RELN: variants seen among roughly 807,000 people sequenced by gnomAD.
RELN encodes reelin.
RELN carries 108 observed loss-of-function variants against 427.6 expected under a neutral mutation model. The observed-to-expected ratio is 0.25, with a 90% CI of 0.22 to 0.30. The LOEUF (loss-of-function observed/expected upper bound fraction) is 0.30. RELN is among the 10% of genes least tolerant of loss of function. RELN has a pLI of 1.00. For missense variants in RELN, 3,715 were observed against 4,302.8 expected, an observed-to-expected ratio of 0.86 and a Z score of 3.82; for synonymous variants, 1,524 against 1,513.4, an observed-to-expected ratio of 1.01 and a Z score of -0.16.
At chr7:103,934,400 A>T (rs1342533655) in intron 1 of RELN, among the ~76,000 whole-genome samples, 2 of 152,112 alleles carry the variant, frequency 1.3e-5, no homozygotes, top group Non-Finnish European at 1.5e-5. Context: ...CATTATTCTT[A>T]CAGCTTAAGC....
intron 4 of RELN, among the ~76,000 whole-genome samples, chr7:103,755,944 A>G (rs1003944982): frequency 6.6e-6 from 1 of 152,198 alleles, no homozygotes; most frequent in Admixed American, 6.5e-5. Flanking sequence ...CACAGTATGG[A>G]ACTTTTCAAA....
chr7:103,771,268 A>C (rs1000841524), intron 4 of RELN, among the ~76,000 whole-genome samples: 1 of 151,408 alleles, frequency 6.6e-6, no homozygotes, highest in Non-Finnish European at 1.5e-5. Flanking sequence ...TTTTCTATCC[A>C]CCATCCTCTC....
At chr7:103,520,800 C>T (rs986640532) in intron 48 of RELN, among the ~76,000 whole-genome samples, 10 of 152,092 alleles carry the variant, frequency 6.6e-5, no homozygotes, top group African/African-American at 2.4e-4. Flanking sequence ...ACACTGCAGT[C>T]TTTCTCAGTG....
At chr7:103,579,592 C>A (rs1831081537) in intron 28 of RELN, among the ~76,000 whole-genome samples, 1 of 146,142 alleles carries the variant, frequency 6.8e-6, no homozygotes, top group South Asian at 2.2e-4. Context: ...AAGTAAGACT[C>A]CATCTCCAAA....
chr7:103,906,625 T>C (rs1795212223), intron 2 of RELN, among the ~76,000 whole-genome samples: 2 of 152,190 alleles, frequency 1.3e-5, no homozygotes, highest in Admixed American at 1.3e-4. Flanking sequence ...TACTTGTTCC[T>C]TGGATTCAGC....
chr7:103,531,044 G>A (rs990514237), intron 46 of RELN, among the ~76,000 whole-genome samples: 3 of 152,190 alleles, frequency 2.0e-5, no homozygotes, highest in Non-Finnish European at 4.4e-5. Flanking sequence ...TTAGTCTGAG[G>A]TTGAAGTCTG....
rs138736743 is a variant in RELN, at chr7:103,577,682, T to C, written c.4146-1977A>G. ...GTCCTCTTGAAGGAAGTAAATGGAA[T>C]TAATGTACACCAGCATTTGTCAACT... On this transcript the variant is annotated intron_variant, in intron 28 of 64. Transcript: ENST00000428762. 9.5e-4 allele frequency among the ~76,000 whole-genome samples: 145 copies of C among 152,210 alleles called. 1 individual carries two copies. The highest frequency in any genetic ancestry group is 3.4e-3 in the African/African-American group (140 of 41,536).
intron 3 of RELN, among the ~76,000 whole-genome samples, chr7:103,787,931 C>T (rs1792061185): frequency 6.6e-6 from 1 of 152,090 alleles, no homozygotes; most frequent in Admixed American, 6.6e-5. Context: ...TGCAAAAATC[C>T]TCAATAAAAT....
At chr7:103,630,867 T>TG (rs1832446111) in intron 19 of RELN, among the ~76,000 whole-genome samples, 2 of 149,352 alleles carry the variant, frequency 1.3e-5, no homozygotes, top group South Asian at 4.2e-4. Flanking sequence ...TTTGTTTTTT[T>TG]TTTTTTTGTT....
chr7:103,968,787 T>A lies in RELN; in HGVS notation c.226+20344A>T, dbSNP rs889079707. Among the ~76,000 whole-genome samples, 37 of 152,206 alleles carry A rather than the reference T, an allele frequency of 2.4e-4. No individual in the cohort carries two copies. Among genetic ancestry groups the A allele is most frequent in the African/African-American group, 8.4e-4 (35 of 41,468 alleles). ...TGCTAAAGGATGTCAAATTTACCAT[T>A]GACATTCTGCCTAACAACAACAAAA... On this transcript the variant is annotated intron_variant, in intron 1 of 64. Coordinates refer to ENST00000428762, the MANE Select transcript of RELN (RefSeq NM_005045.4). The surrounding 1 kb of genome is among the most constrained non-coding windows in gnomAD (Gnocchi z 4.3).
intron 3 of RELN, among the ~76,000 whole-genome samples, chr7:103,823,171 G>A (rs1793051179): frequency 6.6e-6 from 1 of 151,914 alleles, no homozygotes; most frequent in Non-Finnish European, 1.5e-5. Context: ...CCTTTGGTTA[G>A]CACTTGCCTG....
chr7:103,631,954 A>G (rs1832477888), intron 19 of RELN, among the ~76,000 whole-genome samples: 1 of 152,186 alleles, frequency 6.6e-6, no homozygotes. Context: ...ATGAAAATAA[A>G]TTATTATTTT....
chr7:103,887,318 G>A (rs1563071945), intron 2 of RELN, among the ~76,000 whole-genome samples: 1 of 152,156 alleles, frequency 6.6e-6, no homozygotes, highest in Non-Finnish European at 1.5e-5. Flanking sequence ...ATGGGCCTCA[G>A]GAGGGTCTCG....
At chr7:103,605,629 C>T (rs775503973) in intron 22 of RELN, among the ~76,000 whole-genome samples, 6 of 152,166 alleles carry the variant, frequency 3.9e-5, no homozygotes, top group Non-Finnish European at 8.8e-5. Context: ...AGAAACAAAA[C>T]ATGATTTGCA....
intron 2 of RELN, among the ~76,000 whole-genome samples, chr7:103,909,786 T>G (rs1212882090): frequency 3.2e-5 from 3 of 94,558 alleles, no homozygotes; most frequent in Non-Finnish European, 5.7e-5. Flanking sequence ...TATAAATATA[T>G]ATATTAAATA....
At chr7:103,864,175 T>G (rs913950320) in intron 2 of RELN, among the ~76,000 whole-genome samples, 2 of 152,300 alleles carry the variant, frequency 1.3e-5, no homozygotes, top group African/African-American at 4.8e-5. Flanking sequence ...TCTCATAACT[T>G]AAACACACCT....
chr7:103,914,666 T>C (rs1795445387), intron 2 of RELN, among the ~76,000 whole-genome samples: 1 of 152,094 alleles, frequency 6.6e-6, no homozygotes, highest in Non-Finnish European at 1.5e-5. Flanking sequence ...CATCATGTCA[T>C]ATATGAGAAA....
intron 2 of RELN, among the ~76,000 whole-genome samples, chr7:103,912,984 G>A (rs1795404157): frequency 6.6e-6 from 1 of 152,044 alleles, no homozygotes; most frequent in African/African-American, 2.4e-5. Context: ...AGGGCAGCAT[G>A]TTTTCTTATA....
chr7:103,636,492 A>T (rs1832583971), intron 17 of RELN, 24 bp from the exon 18 acceptor site: 3 of 1,468,594 alleles, frequency 2.0e-6, no homozygotes, highest in Non-Finnish European at 2.9e-6. Context: ...GGTGAAATTA[A>T]ATCTTAAACT....
Sources: gnomAD v4.1 joint callset for allele counts (sites outside exome capture counted in the v4.1 genomes callset) on GRCh38, gnomAD v4.1.1 for gene constraint, Gnocchi (gnomAD v3.1) non-coding constraint, MANE v1.5 for transcripts, NCBI Gene and HGNC (gene_info 2026-07-23, HGNC 2026-07-21) for gene names.